TRIM33: variants seen among roughly 807,000 people sequenced by gnomAD.
The protein encoded by TRIM33 is tripartite motif containing 33.
TRIM33 carries 20 observed loss-of-function variants against 125.4 expected under a neutral mutation model. The ratio of observed to expected loss-of-function variants is 0.16; its 90% CI spans 0.11 to 0.23. The LOEUF (loss-of-function observed/expected upper bound fraction) is 0.23. TRIM33 is among the 10% of genes least tolerant of loss of function. TRIM33 has a pLI of 1.00. For synonymous variants in TRIM33, 564 were observed against 513.9 expected (o/e 1.10, Z -1.32); for missense variants, 920 against 1,411.4 (o/e 0.65, Z 5.58).
chr1:114,411,369 T>C (rs939756540), intron 11 of TRIM33, among the ~76,000 whole-genome samples: 1 of 151,686 alleles, frequency 6.6e-6, no homozygotes, highest in African/African-American at 2.4e-5. Context: ...AAGGTAGGAG[T>C]AGGCAGTAGG....
intron 4 of TRIM33, among the ~76,000 whole-genome samples, chr1:114,435,043 A>G (rs1172755926): frequency 1.3e-5 from 2 of 152,248 alleles, no homozygotes; most frequent in Non-Finnish European, 2.9e-5. Flanking sequence ...CCAGAGGCAA[A>G]CTGTGAAGGG....
At chr1:114,433,356 ATTTAT>A (rs1470551467) in intron 5 of TRIM33, among the ~76,000 whole-genome samples, 2 of 152,174 alleles carry the variant, frequency 1.3e-5, no homozygotes, top group Admixed American at 1.3e-4. Context: ...CTCCATATTA[ATTTAT>A]TTGTTTCCAC....
At chr1:114,440,766 G>C (rs533864993) in intron 4 of TRIM33, among the ~76,000 whole-genome samples, 34 of 152,104 alleles carry the variant, frequency 2.2e-4, no homozygotes, top group Admixed American at 1.0e-3. Flanking sequence ...AAAAAAGGGG[G>C]GGAATACAAA....
At chr1:114,432,308 T>C (rs1024143427) in intron 5 of TRIM33, among the ~76,000 whole-genome samples, 1 of 152,142 alleles carries the variant, frequency 6.6e-6, no homozygotes. Flanking sequence ...ACTCACTACA[T>C]TTCCTTTGAA....
intron 1 of TRIM33, among the ~76,000 whole-genome samples, chr1:114,490,084 CAAAAAAAAAAAA>C (rs776451339): frequency 2.7e-5 from 1 of 37,644 alleles, no homozygotes; most frequent in Non-Finnish European, 5.2e-5. Flanking sequence ...GACTCCGTCT[CAAAAAAAAAAAA>C]AAAAAAAAGA....
chr1:114,415,156 G>C (rs893874437), intron 11 of TRIM33, among the ~76,000 whole-genome samples: 33 of 151,604 alleles, frequency 2.2e-4, no homozygotes, highest in African/African-American at 8.0e-4. Flanking sequence ...CAAGATGCCC[G>C]GCTCATTTTT....
intron 15 of TRIM33, among the ~76,000 whole-genome samples, chr1:114,404,081 A>C (rs1376366517): frequency 6.6e-6 from 1 of 152,212 alleles, no homozygotes; most frequent in East Asian, 1.9e-4. Flanking sequence ...ACATGGAGAT[A>C]TATAGAGAGA....
Position 114,393,457 on chromosome 1 carries a change from T to A in TRIM33, c.*4191A>T, listed in dbSNP as rs41313288. 28,351 of 200,596 alleles carry A rather than the reference T, an allele frequency of 0.14. 2,513 individuals carry two copies. Among genetic ancestry groups the A allele is most frequent in the Non-Finnish European group, 0.19 (18,523 of 97,208 alleles). 12.4% of individuals were successfully genotyped at this position (200,596 alleles called of 1,614,324 possible). A position where few individuals can be genotyped will look rare whatever the true frequency, so the allele number is the denominator to read the frequency against. On this transcript the variant is annotated 3_prime_UTR_variant, in exon 20 of 20. Coordinates refer to ENST00000358465, the MANE Select transcript of TRIM33 (RefSeq NM_015906.4). ...ATTTGGTGAATTTAAAAGAGGAGCA[T>A]TTTTAATTTTAAAGATCACTTTCTA...
intron 4 of TRIM33, among the ~76,000 whole-genome samples, chr1:114,445,244 T>A (rs116715699): frequency 0.011 from 1,658 of 152,266 alleles, 18 homozygotes; most frequent in South Asian, 0.041. Flanking sequence ...GGGGTGTTTT[T>A]TGTTTTTGGA....
At chr1:114,442,715 G>GA (rs896311358) in intron 4 of TRIM33, among the ~76,000 whole-genome samples, 68 of 133,094 alleles carry the variant, frequency 5.1e-4, no homozygotes, top group Middle Eastern at 3.9e-3. Context: ...GAAAAAAAAA[G>GA]AAAAAAAAAA....
chr1:114,471,045 C>T (rs1056115274), intron 1 of TRIM33, among the ~76,000 whole-genome samples: 3 of 152,202 alleles, frequency 2.0e-5, no homozygotes, highest in Non-Finnish European at 2.9e-5. Context: ...GCAATCCTCC[C>T]GCATAGGCCT....
chr1:114,511,041 G>A lies in TRIM33; in HGVS notation c.36C>T (p.Ser12=). Residue 12 remains serine, a synonymous_variant, in exon 1 of 20, where the codon AGC becomes AGT. Transcript: ENST00000358465. ...GCGCGCTGCCGCTGCCCCCGCCGCC[G>A]CTCTCAGCCTCGCCGCCGCCTTTGT... ...AENKGGGEAE[S]GGGGSGSAPV... is the part of the protein sequence containing the mutation. The A allele has an allele frequency of 2.3e-6, 3 of 1,313,228 alleles. No homozygotes were observed. The highest frequency in any genetic ancestry group is 3.7e-5 in the South Asian group (2 of 54,104). The allele number at this position is 1,313,228 out of a possible 1,614,324, so 81.3% of individuals were successfully genotyped here. A position where few individuals can be genotyped will look rare whatever the true frequency, so the allele number is the denominator to read the frequency against.
At position 114,393,180 on chromosome 1, in the gene TRIM33, A is replaced by G. The variant is rs933898253; in HGVS notation, c.*4468T>C. 28 of 215,714 alleles carry G rather than the reference A, an allele frequency of 1.3e-4. No individual in the cohort carries two copies. Among genetic ancestry groups the G allele is most frequent in the African/African-American group, 5.9e-4 (26 of 44,396 alleles). 13.4% of individuals were successfully genotyped at this position (215,714 alleles called of 1,614,324 possible). A position where few individuals can be genotyped will look rare whatever the true frequency, so the allele number is the denominator to read the frequency against. On this transcript the variant is annotated 3_prime_UTR_variant, in exon 20 of 20. Coordinates refer to ENST00000358465, the MANE Select transcript of TRIM33 (RefSeq NM_015906.4). ...AAATACTGGAAGCAAGGAACTAGTA[A>G]GGCTGTGAATTTAACCCTTTCGTGT... is the stretch of plus-strand genomic sequence containing the variant.
rs1375341705 is a variant in TRIM33, at chr1:114,413,578, A to AGAAAAGAAAAAGACTTTTTCT, written c.2062-3283_2062-3263dup. Among the ~76,000 whole-genome samples the AGAAAAGAAAAAGACTTTTTCT allele has an allele frequency of 2.2e-3, 285 of 132,248 alleles. 2 individuals are homozygous for AGAAAAGAAAAAGACTTTTTCT. Among genetic ancestry groups the AGAAAAGAAAAAGACTTTTTCT allele is most frequent in the African/African-American group, 6.2e-3 (193 of 31,032 alleles). 86.8% of individuals were successfully genotyped at this position (132,248 alleles called of 152,430 possible). Reference sequence around the variant, plus strand: ...CATCTCAAAAAAAAAAAAAAAGAAAAGAAAAGAAAAAGACTTTTTCTGAAA... The same window carrying AGAAAAGAAAAAGACTTTTTCT: ...CATCTCAAAAAAAAAAAAAAAGAAAAGAAAAGAAAAAGACTTTTTCTGAAAAGAAAAAGACTTTTTCTGAAA... On this transcript the variant is annotated intron_variant, in intron 11 of 19. Coordinates refer to ENST00000358465, the MANE Select transcript of TRIM33 (RefSeq NM_015906.4).
intron 9 of TRIM33, among the ~76,000 whole-genome samples, 195 bp from the exon 10 acceptor site, chr1:114,424,950 GTC>G (rs374396183): frequency 9.5e-5 from 13 of 137,546 alleles, no homozygotes; most frequent in Admixed American, 1.4e-4. Context: ...AATTTCCCTT[GTC>G]TCTCTCTCTC....
At chr1:114,424,103 C>T (rs1478999905) in intron 10 of TRIM33, among the ~76,000 whole-genome samples, 1 of 151,682 alleles carries the variant, frequency 6.6e-6, no homozygotes, top group Non-Finnish European at 1.5e-5. Flanking sequence ...CTTATTAAAG[C>T]GTATCTACAT....
intron 10 of TRIM33, among the ~76,000 whole-genome samples, chr1:114,423,788 C>T (rs1416974329): frequency 6.6e-6 from 1 of 152,118 alleles, no homozygotes; most frequent in Non-Finnish European, 1.5e-5. Context: ...GTTTCTCCAA[C>T]TTTAGTACGC....
intron 11 of TRIM33, among the ~76,000 whole-genome samples, chr1:114,414,930 A>C (rs920359214): frequency 1.3e-4 from 20 of 152,036 alleles, no homozygotes; most frequent in Admixed American, 6.6e-5. Flanking sequence ...ACATTTATTA[A>C]ATACTTATAT....
At chr1:114,414,095 T>C (rs531027332) in intron 11 of TRIM33, among the ~76,000 whole-genome samples, 8 of 149,572 alleles carry the variant, frequency 5.3e-5, no homozygotes, top group Admixed American at 2.7e-4. Flanking sequence ...GTTTGCATAT[T>C]CCTAGGGAAA....
Sources: allele counts gnomAD v4.1 joint callset (sites outside exome capture counted in the v4.1 genomes callset), GRCh38; gene constraint gnomAD v4.1.1; transcripts MANE v1.5; gene names NCBI Gene and HGNC (gene_info 2026-07-23, HGNC 2026-07-21).